The following ELP2 variants were observed in gnomAD, a reference collection of about 807,000 sequenced individuals.
ELP2 encodes elongator acetyltransferase complex subunit 2, also known as elongator complex protein 2.
Under a neutral mutation model 119.2 loss-of-function variants are expected in ELP2, and 90 were observed. The observed-to-expected ratio is 0.75, with a 90% confidence interval of 0.64 to 0.90. The LOEUF (loss-of-function observed/expected upper bound fraction) is 0.90, where lower values mean the gene tolerates loss of function less well. Among genes scored for constraint, ELP2 ranks in the 40% least tolerant of loss-of-function variants. The pLI is 0.00. For synonymous variants in ELP2, 339 were observed against 331.0 expected, an observed-to-expected ratio of 1.02 and a Z score of -0.26; for missense variants, 921 against 967.8, an observed-to-expected ratio of 0.95 and a Z score of 0.64.
intron 11 of ELP2, among the ~76,000 whole-genome samples, chr18:36,149,407 C>T (rs1307787442): frequency 6.6e-6 from 1 of 151,604 alleles, no homozygotes; most frequent in Admixed American, 6.6e-5. Context: ...AAGGTACAAC[C>T]GTACAACCCA....
At chr18:36,172,374 G>A (rs1225608225) in intron 21 of ELP2, among the ~76,000 whole-genome samples, 2 of 152,178 alleles carry the variant, frequency 1.3e-5, no homozygotes, top group African/African-American at 4.8e-5. Context: ...ATTTCAAATA[G>A]CAATTTCAAA....
intron 5 of ELP2, among the ~76,000 whole-genome samples, chr18:36,139,186 A>T (rs188032810): frequency 1.2e-3 from 187 of 152,330 alleles, no homozygotes; most frequent in African/African-American, 4.4e-3. Flanking sequence ...ATTCTTTAGA[A>T]GGTGAAGGTC....
At chr18:36,144,689 A>G (rs1255002013) in intron 8 of ELP2, among the ~76,000 whole-genome samples, 1 of 152,218 alleles carries the variant, frequency 6.6e-6, no homozygotes, top group Non-Finnish European at 1.5e-5. Flanking sequence ...AAAATATAAG[A>G]TATTCCTTCA....
rs562147638 is a variant in ELP2 at position 36,138,671 on chromosome 18, G to A, written c.446-124G>A. 64 of 926,030 alleles carry A rather than the reference G, an allele frequency of 6.9e-5. No individual in the cohort carries two copies. In the African/African-American group the frequency reaches 9.7e-4, roughly 14 times the overall value. The allele number at this position is 926,030 out of a possible 1,614,324, so 57.4% of individuals were successfully genotyped here. A position where few individuals can be genotyped will look rare whatever the true frequency, so the allele number is the denominator to read the frequency against. Reference sequence around the variant, plus strand: ...ATTTAACTTCACATGGTCAGTGGGGGCTCAGGATTGACTTCTCTCATCTCC... The same window carrying A: ...ATTTAACTTCACATGGTCAGTGGGGACTCAGGATTGACTTCTCTCATCTCC... On this transcript the variant is annotated intron_variant, in intron 4 of 21. Transcript: ENST00000358232.
intron 11 of ELP2, among the ~76,000 whole-genome samples, chr18:36,147,081 GT>G (rs61330040): frequency 0.016 from 2,021 of 123,388 alleles, 19 homozygotes; most frequent in African/African-American, 0.048. Context: ...AACATGGGTA[GT>G]TTTTTTTTTT....
chr18:36,154,835 G>T lies in ELP2; in HGVS notation c.1126-15G>T. 7 of 1,613,846 alleles carry T rather than the reference G, an allele frequency of 4.3e-6. No individual in the cohort carries two copies. Among genetic ancestry groups the T allele is most frequent in the Non-Finnish European group, 5.9e-6 (7 of 1,179,914 alleles). ...TTGAGTATTTTGATATGTGATATGA[G>T]CACTTCCATTGCAGAGAGAGTGGAC... On this transcript the variant is annotated splice_polypyrimidine_tract_variant and intron_variant, in intron 11 of 21. Coordinates refer to ENST00000358232, the MANE Select transcript of ELP2 (RefSeq NM_018255.4).
chr18:36,156,630 A>G lies in ELP2; in HGVS notation c.1440A>G (p.Gln480=), dbSNP rs1162773813. 5 of 1,614,000 alleles carry G rather than the reference A, an allele frequency of 3.1e-6. No homozygotes were observed. The highest frequency in any genetic ancestry group is 1.7e-5 in the Admixed American group (1 of 60,006). The change falls in exon 13 of 22, where the codon CAA becomes CAG. Residue 480 remains glutamine (Q), a synonymous_variant. Transcript: ENST00000358232. The part of the protein sequence containing the change: ...FVENFCAITG[Q]SLNHVLCNQD... ...AAAATTTTTGTGCCATTACAGGACA[A>G]TCACTGAATCATGTGCTCTGTAATG...
rs8084554 is a variant in ELP2, at chr18:36,130,014, G to C, written c.81G>C (p.Gly27=). The part of the protein sequence containing the change: ...RVRGVLNWSS[G]PRGLLAFGTS... ...GGGGAGTCCTGAACTGGAGCTCTGG[G>C]CCCAGAGGACTTCTGGCCTTTGGCA... is the stretch of plus-strand genomic sequence containing the variant. The change falls in exon 1 of 22, where the codon GGG becomes GGC. Residue 27 remains glycine, a synonymous_variant. Coordinates refer to ENST00000358232, the MANE Select transcript of ELP2 (RefSeq NM_018255.4). 18,564 of 1,614,108 alleles carry C rather than the reference G, an allele frequency of 0.012. 1,041 individuals are homozygous for C. In the African/African-American group the frequency reaches 0.15, roughly 13 times the overall value.
intron 19 of ELP2, 116 bp from the exon 20 acceptor site, chr18:36,169,947 C>G: frequency 7.4e-7 from 1 of 1,350,044 alleles, no homozygotes. Flanking sequence ...TGTAATGATG[C>G]ATTTTTTAAA....
intron 5 of ELP2, 141 bp from the exon 6 acceptor site, chr18:36,140,996 A>G: frequency 2.7e-6 from 2 of 746,298 alleles, no homozygotes. Flanking sequence ...ACATTTATTG[A>G]GCATTTTCAA....
intron 4 of ELP2, 64 bp downstream of exon 4, chr18:36,138,490 G>A (rs2089911612): frequency 6.6e-7 from 1 of 1,506,762 alleles, no homozygotes; most frequent in Admixed American, 1.7e-5. Flanking sequence ...ATGACGAGTA[G>A]AAGAGCATAT....
Position 36,143,486 on chromosome 18 carries a change from C to T in ELP2, c.796+520C>T, listed in dbSNP as rs544999725. Among the ~76,000 whole-genome samples the T allele has an allele frequency of 2.1e-5, 3 of 145,222 alleles. No individual in the cohort carries two copies. The South Asian group carries it at 6.8e-4, about 33-fold the overall frequency. ...GGAGTGCAGTGGCATAATCACAGCT[C>T]ACTGCAGCCTTGAACTCCTTGGCTC... On this transcript the variant is annotated intron_variant, in intron 8 of 21. Transcript: ENST00000358232.
intron 13 of ELP2, 86 bp from the exon 14 acceptor site, chr18:36,158,749 G>T (rs2090642696): frequency 4.2e-6 from 4 of 955,284 alleles, no homozygotes; most frequent in Admixed American, 3.7e-5. Flanking sequence ...TTTTTGTAGT[G>T]CCTGAAGTAA....
chr18:36,174,455 C>T (rs781401461), intron 21 of ELP2, 30 bp from the exon 22 acceptor site: 1 of 1,607,380 alleles, frequency 6.2e-7, no homozygotes, highest in South Asian at 1.1e-5. Flanking sequence ...ATTGGAAAAA[C>T]ATTTCATGAT....
At chr18:36,151,742 G>GTTTTTTTTT (rs71166098) in intron 11 of ELP2, among the ~76,000 whole-genome samples, 2 of 109,826 alleles carry the variant, frequency 1.8e-5, no homozygotes, top group Non-Finnish European at 3.7e-5. Context: ...GTTCTGTTCT[G>GTTTTTTTTT]TTTTTTTTTT....
At chr18:36,143,177 C>T (rs918321955) in intron 8 of ELP2, among the ~76,000 whole-genome samples, 1 of 151,810 alleles carries the variant, frequency 6.6e-6, no homozygotes. Flanking sequence ...CTCACTGCAA[C>T]CTCCGTCTCC....
chr18:36,163,186 C>T (rs2090791233), intron 17 of ELP2, among the ~76,000 whole-genome samples: 1 of 151,896 alleles, frequency 6.6e-6, no homozygotes, highest in South Asian at 2.1e-4. Context: ...AGTCATTTCC[C>T]ACTTAGGAGA....
Position 36,140,907 on chromosome 18 carries a change from G to T in ELP2, c.524-230G>T, listed in dbSNP as rs144196419. 9.1e-4 allele frequency among the ~76,000 whole-genome samples: 138 copies of T among 152,290 alleles called. 2 individuals carry two copies. The highest frequency in any genetic ancestry group is 2.9e-5 in the Non-Finnish European group (2 of 68,016). ...TGTCATAGAATGGAGAGAAGGACTG[G>T]ATTCTCATTTAATAGTCATTATATT... On this transcript the variant is annotated intron_variant, in intron 5 of 21. Coordinates refer to ENST00000358232, the MANE Select transcript of ELP2 (RefSeq NM_018255.4).
chr18:36,170,994 G>A (rs1277786409), intron 20 of ELP2, 53 bp from the exon 21 acceptor site: 3 of 1,274,850 alleles, frequency 2.4e-6, no homozygotes, highest in Non-Finnish European at 3.4e-6. Context: ...CAATGACGAA[G>A]ATAACAATTT....
Sources: gnomAD v4.1 joint callset for allele counts (sites outside exome capture counted in the v4.1 genomes callset) on GRCh38, gnomAD v4.1.1 for gene constraint, MANE v1.5 for transcripts, NCBI Gene and HGNC (gene_info 2026-07-23, HGNC 2026-07-21) for gene names.